ZNF611: variants seen among roughly 807,000 people sequenced by gnomAD.
ZNF611 encodes the protein zinc finger protein 611.
ZNF611 carries 6 observed loss-of-function variants against 8.9 expected under a neutral mutation model. That is an observed-to-expected ratio of 0.68 (90% CI 0.37 to 1.34). The LOEUF (loss-of-function observed/expected upper bound fraction) is 1.34. Ranked by LOEUF, ZNF611 falls within the 40% of genes most tolerant of loss-of-function variation. ZNF611 has a pLI of 0.02. For synonymous variants in ZNF611, 262 were observed against 279.7 expected, an observed-to-expected ratio of 0.94 and a Z score of 0.63; for missense variants, 874 against 841.3, an observed-to-expected ratio of 1.04 and a Z score of -0.48.
chr19:52,734,536 CGGGGGGG>C lies in ZNF611; in HGVS notation c.-222+458_-222+464del, dbSNP rs3029477. 1.9e-4 allele frequency among the ~76,000 whole-genome samples: 24 copies of C among 129,390 alleles called. 2 individuals carry two copies. In the East Asian group the frequency reaches 2.0e-3, roughly 11 times the overall value. The allele number at this position is 129,390 out of a possible 152,430, so 84.9% of individuals were successfully genotyped here. A position where few individuals can be genotyped will look rare whatever the true frequency, so the allele number is the denominator to read the frequency against. On this transcript the variant is annotated intron_variant, in intron 1 of 5. Coordinates refer to ENST00000652185, the MANE Select transcript of ZNF611 (RefSeq NM_001161499.2). ...CCGGCATGAGGAGGAAGGTGCGGGG[CGGGGGGG>C]GGGGGCGCGACGGCGCCTTAGGACC...
rs759888110 is a variant in ZNF611, at chr19:52,705,287, C to T, written c.1768G>A (p.Gly590Ser). 1.9e-6 allele frequency: 3 copies of T among 1,614,124 alleles called. No homozygotes were observed. The highest frequency in any genetic ancestry group is 1.6e-4 in the Middle Eastern group (1 of 6,062). Residue 590 changes from glycine (G) to serine (S), a missense_variant, in exon 6 of 6, where the codon GGT becomes AGT. Transcript: ENST00000652185. ...YLVCHHRVHS[G>S]EKPYKCNECS... ...TCATTACACTTGTAAGGTTTCTCAC[C>T]ACTATGAACTCTATGATGGCATACA...
rs147491933 is a variant in ZNF611 at position 52,705,109 on chromosome 19, G to C, written c.1946C>G (p.Ser649Cys). The change falls in exon 6 of 6, where the codon TCT (serine) becomes TGT (cysteine). Residue 649 changes from serine (S) to cysteine (C), a missense_variant. By Grantham distance (112) the Ser-to-Cys change is moderately radical (BLOSUM62 -1). Coordinates refer to ENST00000652185, the MANE Select transcript of ZNF611 (RefSeq NM_001161499.2). ...YHRRLHTGEKSYKCTICDKAF... is the reference protein window; with the variant it reads ...YHRRLHTGEKCYKCTICDKAF... ...CTTGTCACAAATTGTACATTTGTAA[G>C]ATTTCTCTCCAGTATGAAGTCTACG... The C allele has an allele frequency of 1.0e-3, 1,683 of 1,614,102 alleles. 20 individuals are homozygous for C. The African/African-American group carries it at 0.02, about 19-fold the overall frequency.
At position 52,705,949 on chromosome 19, in the gene ZNF611, G is replaced by C. The variant is rs1255282620; in HGVS notation, c.1106C>G (p.Pro369Arg). ...TTTGTCACATTCTTCACATTTGTAA[G>C]GTTTCTCTCCAGTATGAATTCTATG... is the stretch of plus-strand genomic sequence containing the variant. ...SHHRIHTGEK[P>R]YKCEECDKVF... Residue 369 changes from proline (P) to arginine (R), a missense_variant, in exon 6 of 6, where the codon CCT (proline) becomes CGT (arginine). By Grantham distance (103) the Pro-to-Arg change is moderately radical (BLOSUM62 -2). Coordinates refer to ENST00000652185, the MANE Select transcript of ZNF611 (RefSeq NM_001161499.2). The C allele has an allele frequency of 5.6e-6, 9 of 1,613,910 alleles. No homozygotes were observed. In the Admixed American group the frequency reaches 6.7e-5, roughly 12 times the overall value.
intron 5 of ZNF611, among the ~76,000 whole-genome samples, chr19:52,709,044 G>A (rs1187567101): frequency 2.0e-5 from 3 of 152,098 alleles, no homozygotes; most frequent in African/African-American, 7.2e-5. Flanking sequence ...AGAAAACATT[G>A]TATAAAACAA....
rs2062219326 is a variant in ZNF611 at position 52,703,600 on chromosome 19, T to A, written c.*1337A>T. 1 of 146,566 alleles carries A rather than the reference T, an allele frequency of 6.8e-6. No homozygotes were observed. The highest frequency in any genetic ancestry group is 1.5e-5 in the Non-Finnish European group (1 of 67,540). 9.1% of individuals were successfully genotyped at this position (146,566 alleles called of 1,614,324 possible). On this transcript the variant is annotated 3_prime_UTR_variant, in exon 6 of 6. Coordinates refer to ENST00000652185, the MANE Select transcript of ZNF611 (RefSeq NM_001161499.2). ...GAGGCTTTGATATCCTTTTTTTTTT[T>A]TTTTTTTTTGAGATAGACTCTCACT...
intron 5 of ZNF611, among the ~76,000 whole-genome samples, chr19:52,710,924 ATTATG>A (rs200222563): frequency 0.75 from 113,484 of 151,562 alleles, 43,710 homozygotes; most frequent in African/African-American, 0.94. Flanking sequence ...TACTTGGGGG[ATTATG>A]TCCTGAGGCA....
intron 3 of ZNF611, among the ~76,000 whole-genome samples, chr19:52,720,601 G>A (rs1167550495): frequency 7.6e-6 from 1 of 130,800 alleles, no homozygotes; most frequent in Non-Finnish European, 1.6e-5. Flanking sequence ...GCAGCTGCTG[G>A]GCAGAGGCGC....
At chr19:52,726,143 C>T (rs2062391519) in intron 3 of ZNF611, among the ~76,000 whole-genome samples, 2 of 152,172 alleles carry the variant, frequency 1.3e-5, no homozygotes, top group South Asian at 4.1e-4. Context: ...GGAGAGTCCA[C>T]CCTGTGCTCA....
intron 3 of ZNF611, among the ~76,000 whole-genome samples, chr19:52,717,489 AC>A (rs1382959653): frequency 2.6e-5 from 4 of 152,206 alleles, no homozygotes; most frequent in Admixed American, 2.6e-4. Flanking sequence ...TGTGGCTGGA[AC>A]AGTGGAAGAG....
chr19:52,724,048 C>A (rs902671065), intron 3 of ZNF611: 4 of 152,330 alleles, frequency 2.6e-5, no homozygotes, highest in Non-Finnish European at 5.9e-5. Flanking sequence ...CAGGGAGGAG[C>A]AGGAGACAGA....
At position 52,704,780 on chromosome 19, in the gene ZNF611, T is replaced by C; in HGVS notation, c.*157A>G. Reference sequence around the variant, plus strand: ...CCACACTCATTACACTTGTAAGGTTTCTCTCCAGTGTGAAGTCCAGTATGT... The same window carrying C: ...CCACACTCATTACACTTGTAAGGTTCCTCTCCAGTGTGAAGTCCAGTATGT... On this transcript the variant is annotated 3_prime_UTR_variant, in exon 6 of 6. Coordinates refer to ENST00000652185, the MANE Select transcript of ZNF611 (RefSeq NM_001161499.2). 1 of 1,594,072 alleles carries C rather than the reference T, an allele frequency of 6.3e-7. No individual in the cohort carries two copies. The highest frequency in any genetic ancestry group is 8.6e-7 in the Non-Finnish European group (1 of 1,162,376).
At chr19:52,718,485 G>A (rs556516894) in intron 3 of ZNF611, among the ~76,000 whole-genome samples, 8,884 of 151,818 alleles carry the variant, frequency 0.059, 831 homozygotes, top group African/African-American at 0.2. Flanking sequence ...AGCCTGGACA[G>A]CAGTAAGAGT....
At chr19:52,707,125 G>A (rs1281831162) in intron 5 of ZNF611, among the ~76,000 whole-genome samples, 1 of 151,798 alleles carries the variant, frequency 6.6e-6, no homozygotes, top group African/African-American at 2.4e-5. Context: ...CTAAAGTAAG[G>A]AGTATTTTTC....
At position 52,705,001 on chromosome 19, in the gene ZNF611, T is replaced by C. The variant is rs1000614550; in HGVS notation, c.2054A>G (p.Lys685Arg). 6.2e-7 allele frequency: 1 copy of C among 1,614,114 alleles called. No homozygotes were observed. Among genetic ancestry groups the C allele is most frequent in the African/African-American group, 1.3e-5 (1 of 74,942 alleles). The change falls in exon 6 of 6, where the codon AAG (lysine) becomes AGG (arginine). Residue 685 changes from lysine (K) to arginine (R), a missense_variant. Coordinates refer to ENST00000652185, the MANE Select transcript of ZNF611 (RefSeq NM_001161499.2). ...AAGGTGTGATTGTTGATTAAAAGCC[T>C]TCCCACATTCATTACACTTGTAAGG... ...EKPYKCNECG[K>R]AFNQQSHLSR...
At chr19:52,718,650 T>C (rs2062333849) in intron 3 of ZNF611, among the ~76,000 whole-genome samples, 1 of 151,314 alleles carries the variant, frequency 6.6e-6, no homozygotes, top group African/African-American at 2.4e-5. Flanking sequence ...AATACAAAAT[T>C]AGCCGGCCAT....
intron 3 of ZNF611, chr19:52,724,683 C>T (rs947145150): frequency 6.6e-6 from 1 of 152,636 alleles, no homozygotes; most frequent in Non-Finnish European, 1.5e-5. Flanking sequence ...GTTACAGCCC[C>T]CAGTCCCCAC....
At chr19:52,726,605 A>G (rs918191716) in intron 3 of ZNF611, among the ~76,000 whole-genome samples, 1 of 151,720 alleles carries the variant, frequency 6.6e-6, no homozygotes, top group African/African-American at 2.4e-5. Context: ...TTTTTAGTAG[A>G]GAAGGGGTTT....
rs1436215690 is a variant in ZNF611 at position 52,705,881 on chromosome 19, G to C, written c.1174C>G (p.His392Asp). Residue 392 changes from histidine to aspartate, a missense_variant, in exon 6 of 6, where the codon CAT (histidine) becomes GAT (aspartate). Physicochemically the swap from His to Asp is moderately conservative, Grantham distance 81. Transcript: ENST00000652185. ...CATCTGTATGGTTTCTCTCCAGTAT[G>C]AATTCTCTTATGTGTCTCAATGGTT... ...KSTIETHKRI[H>D]TGEKPYRCKV... 4 of 1,614,122 alleles carry C rather than the reference G, an allele frequency of 2.5e-6. No individual in the cohort carries two copies. Among genetic ancestry groups the C allele is most frequent in the Admixed American group, 1.7e-5 (1 of 60,024 alleles).
chr19:52,730,680 G>T (rs1036194119), intron 1 of ZNF611, among the ~76,000 whole-genome samples: 10 of 151,242 alleles, frequency 6.6e-5, no homozygotes, highest in African/African-American at 2.4e-4. Flanking sequence ...TGCCTCCTGG[G>T]TTCAAGCAAT....
Sources: gnomAD v4.1 joint callset for allele counts (sites outside exome capture counted in the v4.1 genomes callset) on GRCh38, gnomAD v4.1.1 for gene constraint, MANE v1.5 for transcripts, NCBI Gene and HGNC (gene_info 2026-07-23, HGNC 2026-07-21) for gene names.